Variants in EHMT1 observed in about 807,000 individuals in gnomAD.
EHMT1 encodes euchromatic histone lysine methyltransferase 1, also known as histone-lysine N-methyltransferase EHMT1.
A neutral mutation model predicts 147.2 loss-of-function variants in EHMT1; 15 were observed. The ratio of observed to expected loss-of-function variants is 0.10; its 90% CI spans 0.07 to 0.16. EHMT1 has a LOEUF of 0.16. Among genes scored for constraint, EHMT1 ranks in the 10% least tolerant of loss-of-function variants. The pLI is 1.00. For missense variants in EHMT1, 1,587 were observed against 1,772.4 expected (o/e 0.90, Z 1.88); for synonymous variants, 795 against 709.6 (o/e 1.12, Z -1.91).
rs538981131 is a variant in EHMT1, at chr9:137,731,502, G to T, written c.823+2973G>T. Among the ~76,000 whole-genome samples, 1 of 152,254 alleles carries T rather than the reference G, an allele frequency of 6.6e-6. No homozygotes were observed. Among genetic ancestry groups the T allele is most frequent in the African/African-American group, 2.4e-5 (1 of 41,554 alleles). ...GAGGAGTCCCCTGTTAACTGTCCCC[G>T]GGGGTGCAGAGTCCACTTATCGGGA... On this transcript the variant is annotated intron_variant, in intron 4 of 26. Transcript: ENST00000460843. This position sits in a 1 kb window ranked among gnomAD's most constrained non-coding sequence, Gnocchi z 4.3.
rs754504122 is a variant in EHMT1 at position 137,716,779 on chromosome 9, A to G, written c.239A>G (p.Asn80Ser). The stretch of plus-strand genomic sequence containing the variant: ...CACACTCAGGACAGCGCAAGGGTCA[A>G]CCCCCAGGATGGCACCAACACACTA... ...AKHTQDSARV[N>S]PQDGTNTLTR... Residue 80 changes from asparagine (N) to serine (S), a missense_variant, in exon 3 of 27, where the codon AAC (asparagine) becomes AGC (serine). By Grantham distance (46) the Asn-to-Ser change is conservative (BLOSUM62 1). This residue lies in a region of EHMT1 where 810 missense variants were observed against 673.0 expected (regional missense o/e 1.20). Coordinates refer to ENST00000460843, the MANE Select transcript of EHMT1 (RefSeq NM_024757.5). 4 of 1,613,026 alleles carry G rather than the reference A, an allele frequency of 2.5e-6. No individual in the cohort carries two copies. The highest frequency in any genetic ancestry group is 2.7e-5 in the African/African-American group (2 of 74,850).
At chr9:137,807,652 C>G (rs369453192) in intron 18 of EHMT1, among the ~76,000 whole-genome samples, 1 of 152,062 alleles carries the variant, frequency 6.6e-6, no homozygotes, top group South Asian at 2.1e-4. Flanking sequence ...GAATTACAGG[C>G]GCGCACGACC....
At chr9:137,710,320 A>C (rs1269039602) in intron 1 of EHMT1, among the ~76,000 whole-genome samples, 1 of 152,150 alleles carries the variant, frequency 6.6e-6, no homozygotes, top group Non-Finnish European at 1.5e-5. Context: ...TGAAAACACA[A>C]AAAGCATCTG....
intron 16 of EHMT1, among the ~76,000 whole-genome samples, chr9:137,798,141 T>C (rs1471385786): frequency 6.6e-6 from 1 of 152,178 alleles, no homozygotes; most frequent in Non-Finnish European, 1.5e-5. Flanking sequence ...GTAATCCCAG[T>C]TACGATGCCT....
At chr9:137,698,107 C>T (rs1943552046) in intron 1 of EHMT1, among the ~76,000 whole-genome samples, 1 of 152,066 alleles carries the variant, frequency 6.6e-6, no homozygotes, top group South Asian at 2.1e-4. Flanking sequence ...CTCCAGCCTC[C>T]TGGTAGCATG....
chr9:137,799,713 C>T (rs1406366135), intron 17 of EHMT1, among the ~76,000 whole-genome samples: 2 of 152,354 alleles, frequency 1.3e-5, no homozygotes, highest in South Asian at 2.1e-4. Flanking sequence ...CCAGTGGTTG[C>T]CCACCCAGTT....
intron 1 of EHMT1, among the ~76,000 whole-genome samples, chr9:137,679,533 G>A (rs1000853826): frequency 1.3e-5 from 2 of 152,158 alleles, no homozygotes; most frequent in African/African-American, 4.8e-5. Context: ...GCTGGGAGGT[G>A]TTTCCTCCTC....
chr9:137,665,606 G>A (rs1204152563), intron 1 of EHMT1, among the ~76,000 whole-genome samples: 1 of 152,196 alleles, frequency 6.6e-6, no homozygotes, highest in Non-Finnish European at 1.5e-5. Context: ...CTGGTCCCCA[G>A]ATTCCATGTC....
At chr9:137,749,752 CAG>C (rs1948828704) in intron 6 of EHMT1, among the ~76,000 whole-genome samples, 1 of 152,194 alleles carries the variant, frequency 6.6e-6, no homozygotes, top group Non-Finnish European at 1.5e-5. Context: ...GTCGCTTTGC[CAG>C]AGTTTTGGAA....
intron 3 of EHMT1, chr9:137,717,388 A>T: frequency 1.4e-6 from 1 of 705,642 alleles, no homozygotes; most frequent in Non-Finnish European, 2.4e-6. Flanking sequence ...GGATTGCTTG[A>T]GCCTAGGAGT....
At chr9:137,644,327 A>AC in intron 1 of EHMT1, among the ~76,000 whole-genome samples, 1 of 144,116 alleles carries the variant, frequency 6.9e-6, no homozygotes, top group African/African-American at 2.5e-5. Context: ...ACAGTCACAT[A>AC]CTTTTTTTTT....
At chr9:137,663,014 G>A (rs1219482787) in intron 1 of EHMT1, among the ~76,000 whole-genome samples, 6 of 151,876 alleles carry the variant, frequency 4.0e-5, no homozygotes, top group East Asian at 3.9e-4. Flanking sequence ...GGCTGGTCTC[G>A]AACTCCTGAC....
intron 9 of EHMT1, among the ~76,000 whole-genome samples, chr9:137,758,827 A>T (rs1949577460): frequency 6.6e-6 from 1 of 152,162 alleles, no homozygotes; most frequent in Admixed American, 6.5e-5. Flanking sequence ...AGCTTAAGAT[A>T]GAAATCTTAG....
intron 10 of EHMT1, among the ~76,000 whole-genome samples, chr9:137,766,696 T>A (rs1316491416): frequency 1.3e-5 from 2 of 152,258 alleles, no homozygotes; most frequent in Non-Finnish European, 2.9e-5. Context: ...CTCAGCTTTC[T>A]TTTGATTAAT....
chr9:137,639,353 A>G (rs909842838), intron 1 of EHMT1, among the ~76,000 whole-genome samples: 1 of 152,204 alleles, frequency 6.6e-6, no homozygotes, highest in Non-Finnish European at 1.5e-5. Flanking sequence ...GGTTGATAGT[A>G]TTAAGTCTTC....
intron 25 of EHMT1, among the ~76,000 whole-genome samples, chr9:137,831,353 G>T (rs191848294): frequency 1.6e-3 from 238 of 152,338 alleles, no homozygotes; most frequent in Middle Eastern, 3.4e-3. Context: ...TTTGGGGAGA[G>T]TCATCATATT....
At chr9:137,641,229 T>C (rs1395413271) in intron 1 of EHMT1, 1 of 421,078 alleles carries the variant, frequency 2.4e-6, no homozygotes, top group Admixed American at 3.0e-5. Context: ...CTCTTCCTAC[T>C]GGCTTTATTC....
chr9:137,755,478 G>A (rs1171187501), intron 8 of EHMT1, among the ~76,000 whole-genome samples: 5 of 152,282 alleles, frequency 3.3e-5, no homozygotes, highest in South Asian at 4.1e-4. Context: ...CCATTCATCC[G>A]TCCATGGGCT....
chr9:137,657,395 G>A (rs551036329), intron 1 of EHMT1, among the ~76,000 whole-genome samples: 1 of 152,220 alleles, frequency 6.6e-6, no homozygotes, highest in East Asian at 1.9e-4. Context: ...AGCAGGTGAG[G>A]TGAGAGGCTG....
Sources: allele counts gnomAD v4.1 joint callset (sites outside exome capture counted in the v4.1 genomes callset), GRCh38; gene constraint gnomAD v4.1.1; regional missense constraint gnomAD v4.1.1; non-coding constraint Gnocchi (gnomAD v3.1); transcripts MANE v1.5; gene names NCBI Gene and HGNC (gene_info 2026-07-23, HGNC 2026-07-21).